Variants in PDE10A observed in about 807,000 individuals in gnomAD.
The protein encoded by PDE10A is cAMP and cAMP-inhibited cGMP 3',5'-cyclic phosphodiesterase 10A.
In PDE10A, 39 loss-of-function variants were observed where a neutral mutation model predicts 97.7. The ratio of observed to expected loss-of-function variants is 0.40; its 90% confidence interval spans 0.31 to 0.52. The LOEUF is 0.52. Among genes scored for constraint, PDE10A ranks in the 20% least tolerant of loss-of-function variants. PDE10A has a pLI of 0.56. For synonymous variants in PDE10A, 371 were observed against 376.8 expected (o/e 0.98, Z 0.18); for missense variants, 731 against 1,047.8 (o/e 0.70, Z 4.17).
chr6:165,968,539 T>C (rs1256520453), intron 1 of PDE10A, among the ~76,000 whole-genome samples: 1 of 152,110 alleles, frequency 6.6e-6, no homozygotes, highest in Non-Finnish European at 1.5e-5. Flanking sequence ...GACATGCAGC[T>C]CCAAAATTTT....
chr6:165,532,790 C>G (rs758232680), intron 2 of PDE10A, among the ~76,000 whole-genome samples: 1 of 152,190 alleles, frequency 6.6e-6, no homozygotes, highest in African/African-American at 2.4e-5. Flanking sequence ...AAAACACTTT[C>G]CAGTTTTCAT....
intron 1 of PDE10A, among the ~76,000 whole-genome samples, chr6:165,597,293 G>GA: frequency 6.9e-6 from 1 of 144,934 alleles, no homozygotes; most frequent in Middle Eastern, 3.5e-3. Context: ...CATGGATTAA[G>GA]AAAATTATCC....
chr6:165,640,956 T>C (rs553478824), intron 1 of PDE10A, among the ~76,000 whole-genome samples: 11 of 152,364 alleles, frequency 7.2e-5, no homozygotes, highest in South Asian at 2.1e-4. Flanking sequence ...GATGTCACTA[T>C]ATAGTGTCCA....
At chr6:165,928,044 T>C (rs1171502059) in intron 1 of PDE10A, among the ~76,000 whole-genome samples, 1 of 150,646 alleles carries the variant, frequency 6.6e-6, no homozygotes, top group African/African-American at 2.4e-5. Flanking sequence ...TATAATTTAA[T>C]ATGTACTATT....
At chr6:165,528,269 G>A (rs1336703654) in intron 2 of PDE10A, among the ~76,000 whole-genome samples, 1 of 152,230 alleles carries the variant, frequency 6.6e-6, no homozygotes. Context: ...AGCAGAGGAG[G>A]AGTTTAGTAA....
chr6:165,513,361 T>A (rs772342410), intron 2 of PDE10A, among the ~76,000 whole-genome samples: 2 of 152,150 alleles, frequency 1.3e-5, no homozygotes, highest in Non-Finnish European at 2.9e-5. Flanking sequence ...ACAGATTTAT[T>A]TCTGGACTCT....
intron 5 of PDE10A, among the ~76,000 whole-genome samples, chr6:165,446,720 CT>C (rs1354790203): frequency 6.6e-6 from 1 of 152,164 alleles, no homozygotes; most frequent in Non-Finnish European, 1.5e-5. Flanking sequence ...ACAGTGGGAT[CT>C]GACTTGGGAA....
chr6:165,717,516 G>A (rs1185017730), intron 1 of PDE10A, among the ~76,000 whole-genome samples: 3 of 151,856 alleles, frequency 2.0e-5, no homozygotes, highest in African/African-American at 7.3e-5. Context: ...CCTGGGAGGC[G>A]GAGGTTGTAG....
chr6:165,651,935 A>C (rs1789706844), intron 1 of PDE10A, among the ~76,000 whole-genome samples: 1 of 152,074 alleles, frequency 6.6e-6, no homozygotes, highest in Admixed American at 6.5e-5. Context: ...TGACACTTAT[A>C]TCATCCTTTA....
chr6:165,889,942 C>CCCTCCCTCAT (rs1428931094), intron 1 of PDE10A, among the ~76,000 whole-genome samples: 3 of 58,374 alleles, frequency 5.1e-5, no homozygotes, highest in African/African-American at 1.5e-4. Flanking sequence ...CCTCACTCCT[C>CCCTCCCTCAT]CCTCCCTCCT....
intron 1 of PDE10A, among the ~76,000 whole-genome samples, chr6:165,698,512 GA>G (rs1236876548): frequency 1.3e-5 from 2 of 151,992 alleles, no homozygotes; most frequent in East Asian, 3.9e-4. Context: ...AAAATAGAGC[GA>G]AAAAATAATT....
intron 1 of PDE10A, among the ~76,000 whole-genome samples, chr6:165,829,248 G>C (rs1779842618): frequency 1.3e-5 from 2 of 152,238 alleles, no homozygotes; most frequent in Non-Finnish European, 2.9e-5. Flanking sequence ...CAGTGGAGCT[G>C]CCCTGGGCAC....
At chr6:165,978,560 C>G (rs1418665440) in intron 1 of PDE10A, among the ~76,000 whole-genome samples, 2 of 152,166 alleles carry the variant, frequency 1.3e-5, no homozygotes, top group African/African-American at 2.4e-5. Context: ...TAACTTGAGT[C>G]TAATCACTAA....
chr6:165,955,744 T>C (rs1583343269), intron 1 of PDE10A, among the ~76,000 whole-genome samples: 1 of 152,200 alleles, frequency 6.6e-6, no homozygotes, highest in East Asian at 1.9e-4. Flanking sequence ...TTAAAGAACT[T>C]AAATTCTAGT....
chr6:165,497,837 G>A (rs1460322884), intron 2 of PDE10A, among the ~76,000 whole-genome samples: 2 of 152,084 alleles, frequency 1.3e-5, no homozygotes, highest in African/African-American at 4.8e-5. Flanking sequence ...ACATATAAAC[G>A]TATCTATGAT....
chr6:165,803,126 C>G (rs1195011181), intron 1 of PDE10A, among the ~76,000 whole-genome samples: 1 of 152,216 alleles, frequency 6.6e-6, no homozygotes, highest in African/African-American at 2.4e-5. Flanking sequence ...GAAACGAATG[C>G]TTGGTAACAC....
intron 1 of PDE10A, among the ~76,000 whole-genome samples, chr6:165,875,327 T>C (rs1781303113): frequency 6.6e-6 from 1 of 152,176 alleles, no homozygotes; most frequent in Non-Finnish European, 1.5e-5. Context: ...TGGAAACTCA[T>C]GGAAATGCCA....
chr6:165,765,697 G>C (rs899267939), intron 1 of PDE10A, among the ~76,000 whole-genome samples: 1 of 152,200 alleles, frequency 6.6e-6, no homozygotes, highest in East Asian at 1.9e-4. Flanking sequence ...CTGAGGGAGT[G>C]GGCTCCCGCC....
At chr6:165,682,607 C>T (rs962751780) in intron 1 of PDE10A, among the ~76,000 whole-genome samples, 20 of 152,108 alleles carry the variant, frequency 1.3e-4, no homozygotes, top group Admixed American at 9.8e-4. Flanking sequence ...CATAAAAAGA[C>T]GGCTATCTAC....
Sources: allele counts gnomAD v4.1 joint callset (sites outside exome capture counted in the v4.1 genomes callset), GRCh38; gene constraint gnomAD v4.1.1; transcripts MANE v1.5; gene names NCBI Gene and HGNC (gene_info 2026-07-23, HGNC 2026-07-21).